Variants in FRYL observed in about 807,000 individuals in gnomAD.
FRYL encodes the protein FRY like transcription coactivator.
Under a neutral mutation model 351.2 loss-of-function variants are expected in FRYL, and 150 were observed. The ratio of observed to expected loss-of-function variants is 0.43; its 90% CI spans 0.37 to 0.49. FRYL has a LOEUF of 0.49. FRYL is among the 20% of genes least tolerant of loss of function. The pLI, the probability that FRYL is intolerant of heterozygous loss-of-function variation, is 0.00. For missense variants in FRYL, 3,036 were observed against 3,619.3 expected, an observed-to-expected ratio of 0.84 and a Z score of 4.13; for synonymous variants, 1,153 against 1,257.1, an observed-to-expected ratio of 0.92 and a Z score of 1.75.
At chr4:48,707,066 A>C (rs1767446075) in intron 2 of FRYL, among the ~76,000 whole-genome samples, 1 of 152,230 alleles carries the variant, frequency 6.6e-6, no homozygotes, top group Admixed American at 6.5e-5. Context: ...TCACTGTGTT[A>C]AGCCACTAAG....
intron 47 of FRYL, among the ~76,000 whole-genome samples, chr4:48,538,384 A>G (rs1314951733): frequency 2.0e-5 from 3 of 152,164 alleles, no homozygotes; most frequent in Non-Finnish European, 2.9e-5. Flanking sequence ...TGGTGTTAAG[A>G]GCATATTTTA....
intron 49 of FRYL, 84 bp downstream of exon 49, chr4:48,534,461 G>T: frequency 9.5e-7 from 1 of 1,054,992 alleles, no homozygotes; most frequent in Non-Finnish European, 1.4e-6. Flanking sequence ...CCCATTCTTC[G>T]ACATTTAAGG....
chr4:48,777,399 T>C (rs1776133841), intron 1 of FRYL, among the ~76,000 whole-genome samples: 2 of 152,240 alleles, frequency 1.3e-5, no homozygotes, highest in African/African-American at 2.4e-5. Context: ...AAGCGGCCTT[T>C]ACAGGACATT....
At chr4:48,520,837 A>G (rs1017688100) in intron 55 of FRYL, among the ~76,000 whole-genome samples, 1 of 152,212 alleles carries the variant, frequency 6.6e-6, no homozygotes, top group Non-Finnish European at 1.5e-5. Context: ...CATTAAAAAC[A>G]CTCAAGATTA....
intron 2 of FRYL, among the ~76,000 whole-genome samples, chr4:48,707,762 C>T (rs1767523560): frequency 6.6e-6 from 1 of 151,986 alleles, no homozygotes. Flanking sequence ...CTGACTTTAG[C>T]TACCTGCCAA....
intron 18 of FRYL, 129 bp downstream of exon 18, chr4:48,589,616 T>C: frequency 2.4e-6 from 2 of 839,834 alleles, no homozygotes; most frequent in Non-Finnish European, 3.7e-6. Flanking sequence ...AATCACTGTA[T>C]TGAAAACTGC....
At chr4:48,688,900 G>T (rs1423761775) in intron 2 of FRYL, among the ~76,000 whole-genome samples, 3 of 152,050 alleles carry the variant, frequency 2.0e-5, no homozygotes, top group African/African-American at 7.2e-5. Flanking sequence ...TTGACCTCAA[G>T]TGATCCACCC....
rs199692496 is a variant in FRYL, at chr4:48,546,516, C to T, written c.5075-245G>A. On this transcript the variant is annotated intron_variant, in intron 41 of 63. Transcript: ENST00000358350. ...TTGGATGTACTATGCAGTCCTCTGCCGCCATCTGCTGAAGAAACTTGCAAG... is the reference window on the plus strand; with the variant it reads ...TTGGATGTACTATGCAGTCCTCTGCTGCCATCTGCTGAAGAAACTTGCAAG... The T allele has an allele frequency of 9.7e-5, 41 of 421,356 alleles. No homozygotes were observed. The East Asian group carries it at 1.3e-3, about 13-fold the overall frequency. The allele number at this position is 421,356 out of a possible 1,614,324, so 26.1% of individuals were successfully genotyped here.
At chr4:48,632,371 C>G (rs573416053) in intron 4 of FRYL, among the ~76,000 whole-genome samples, 2 of 149,846 alleles carry the variant, frequency 1.3e-5, no homozygotes, top group South Asian at 4.2e-4. Context: ...GAGTTGTTCC[C>G]TTACTGTATG....
intron 1 of FRYL, among the ~76,000 whole-genome samples, chr4:48,730,283 G>A (rs531074245): frequency 6.6e-6 from 1 of 152,280 alleles, no homozygotes; most frequent in South Asian, 2.1e-4. Context: ...AAGTGATGGG[G>A]AGAAGGAAAC....
chr4:48,601,826 C>A (rs899996064), intron 13 of FRYL, among the ~76,000 whole-genome samples, 194 bp downstream of exon 13: 7 of 152,058 alleles, frequency 4.6e-5, no homozygotes, highest in Non-Finnish European at 1.0e-4. Flanking sequence ...AATTTTCAAT[C>A]AAAAGTTTAC....
intron 1 of FRYL, among the ~76,000 whole-genome samples, chr4:48,772,679 C>CAAAAAAAAAAAAAAAAAAAAAA (rs33926702): frequency 1.2e-4 from 6 of 50,266 alleles, no homozygotes; most frequent in Non-Finnish European, 1.5e-4. Context: ...AGAGACCTAC[C>CAAAAAAAAAAAAAAAAAAAAAA]AAAAAAAAAA....
chr4:48,510,731 C>A (rs1371406421), intron 58 of FRYL, 104 bp downstream of exon 58: 2 of 893,778 alleles, frequency 2.2e-6, no homozygotes, highest in Non-Finnish European at 3.6e-6. Context: ...GTTGAAAATA[C>A]GAACCTTTAT....
intron 15 of FRYL, 126 bp from the exon 16 acceptor site, chr4:48,594,142 AG>A (rs1744106918): frequency 2.0e-6 from 1 of 489,028 alleles, no homozygotes. Flanking sequence ...GCTGAACAGA[AG>A]AAAAATACAT....
At chr4:48,683,684 C>A (rs1204448276) in intron 3 of FRYL, among the ~76,000 whole-genome samples, 1 of 152,110 alleles carries the variant, frequency 6.6e-6, no homozygotes, top group Non-Finnish European at 1.5e-5. Flanking sequence ...TGCCCTGAAG[C>A]AGGTATAGAT....
chr4:48,711,158 G>C (rs1490218395), intron 1 of FRYL, among the ~76,000 whole-genome samples: 1 of 152,228 alleles, frequency 6.6e-6, no homozygotes. Context: ...GGTGATTTCT[G>C]CATTTCCATC....
At chr4:48,500,285 C>A in intron 62 of FRYL, 65 bp from the exon 63 acceptor site, 1 of 983,024 alleles carries the variant, frequency 1.0e-6, no homozygotes, top group Non-Finnish European at 1.5e-6. Flanking sequence ...TAGTTGGCTA[C>A]AAGAATATAC....
chr4:48,628,549 A>G lies in FRYL; in HGVS notation c.121-5370T>C, dbSNP rs373745168. 1.9e-4 allele frequency among the ~76,000 whole-genome samples: 29 copies of G among 151,944 alleles called. No homozygotes were observed. In the East Asian group the frequency reaches 4.6e-3, roughly 24 times the overall value. Reference sequence around the variant, plus strand: ...GTAGGGGAAAGAGAGGCACAGAGAGATTTGTTAAAGAATACAAAATTACGA... The same window carrying G: ...GTAGGGGAAAGAGAGGCACAGAGAGGTTTGTTAAAGAATACAAAATTACGA... On this transcript the variant is annotated intron_variant, in intron 4 of 63. Transcript: ENST00000358350.
At chr4:48,563,842 A>T in intron 31 of FRYL, 106 bp downstream of exon 31, 2 of 1,208,464 alleles carry the variant, frequency 1.7e-6, no homozygotes, top group Non-Finnish European at 2.3e-6. Flanking sequence ...CCCCACAGAT[A>T]CTGAAGGACA....
Sources: gnomAD v4.1 joint callset for allele counts (sites outside exome capture counted in the v4.1 genomes callset) on GRCh38, gnomAD v4.1.1 for gene constraint, MANE v1.5 for transcripts, NCBI Gene and HGNC (gene_info 2026-07-23, HGNC 2026-07-21) for gene names.